SOX5: variants seen among roughly 807,000 people sequenced by gnomAD.
SOX5 encodes the protein SRY-box transcription factor 5.
A neutral mutation model predicts 92.0 loss-of-function variants in SOX5; 9 were observed. That is an observed-to-expected ratio of 0.10 (90% CI 0.06 to 0.17). The LOEUF (loss-of-function observed/expected upper bound fraction) is 0.17. Among genes scored for constraint, SOX5 ranks in the 10% least tolerant of loss-of-function variants. SOX5 has a pLI of 1.00. For synonymous variants in SOX5, 344 were observed against 336.3 expected, an observed-to-expected ratio of 1.02 and a Z score of -0.25; for missense variants, 642 against 944.5, an observed-to-expected ratio of 0.68 and a Z score of 4.20.
At chr12:24,553,143 A>G (rs1256352204) in intron 1 of SOX5, among the ~76,000 whole-genome samples, 1 of 152,216 alleles carries the variant, frequency 6.6e-6, no homozygotes, top group Admixed American at 6.5e-5. Flanking sequence ...ATAGCCAGGT[A>G]TTGTTAGTGC....
At chr12:24,550,952 C>T (rs1427517480) in intron 1 of SOX5, among the ~76,000 whole-genome samples, 1 of 152,206 alleles carries the variant, frequency 6.6e-6, no homozygotes, top group Non-Finnish European at 1.5e-5. Flanking sequence ...TTTACCTTCC[C>T]TCCCCCTGAA....
At chr12:24,308,694 G>A (rs936099694) in intron 2 of SOX5, among the ~76,000 whole-genome samples, 2 of 152,144 alleles carry the variant, frequency 1.3e-5, no homozygotes, top group Non-Finnish European at 2.9e-5. Flanking sequence ...ATGGTCACCT[G>A]CTGAAATTTA....
chr12:23,573,995 G>C lies in SOX5; in HGVS notation c.1342+1666C>G, dbSNP rs1948753679. 2.0e-5 allele frequency among the ~76,000 whole-genome samples: 3 copies of C among 151,300 alleles called. No individual in the cohort carries two copies. In the South Asian group the frequency reaches 6.2e-4, roughly 31 times the overall value. On this transcript the variant is annotated intron_variant, in intron 10 of 14. Transcript: ENST00000451604. ...TTACACAGCAATAAATAATATATTA[G>C]TTATCTATATTATAATATTAATATC...
chr12:23,577,147 AT>A (rs1949249891), intron 9 of SOX5, among the ~76,000 whole-genome samples: 1 of 112,512 alleles, frequency 8.9e-6, no homozygotes, highest in South Asian at 2.7e-4. Context: ...TTATATATAT[AT>A]ATACACACAC....
chr12:23,557,298 A>G (rs1381055064), intron 11 of SOX5, among the ~76,000 whole-genome samples: 3 of 152,224 alleles, frequency 2.0e-5, no homozygotes, highest in Admixed American at 6.5e-5. Flanking sequence ...TTATTTACCA[A>G]ATTTCCATCT....
intron 4 of SOX5, among the ~76,000 whole-genome samples, chr12:24,201,883 G>A (rs1018125400): frequency 6.6e-6 from 1 of 152,178 alleles, no homozygotes. Context: ...GGAACTTAAT[G>A]TACTAGCTCT....
chr12:24,475,471 T>G (rs565211244), intron 1 of SOX5, among the ~76,000 whole-genome samples: 1 of 152,156 alleles, frequency 6.6e-6, no homozygotes, highest in Non-Finnish European at 1.5e-5. Context: ...TGAGCTGAAG[T>G]TGGTAGTGAT....
At chr12:23,861,861 A>C (rs1215626649) in intron 2 of SOX5, among the ~76,000 whole-genome samples, 1 of 152,176 alleles carries the variant, frequency 6.6e-6, no homozygotes, top group African/African-American at 2.4e-5. Context: ...AGCAACATCA[A>C]ACGGGAAAAA....
chr12:24,242,840 C>T (rs1937723149), intron 3 of SOX5, among the ~76,000 whole-genome samples: 1 of 149,782 alleles, frequency 6.7e-6, no homozygotes, highest in African/African-American at 2.4e-5. Context: ...AGATTTTTAG[C>T]CCAGCAATTC....
chr12:23,757,771 G>A (rs1296025301), intron 3 of SOX5, among the ~76,000 whole-genome samples: 2 of 151,916 alleles, frequency 1.3e-5, no homozygotes, highest in East Asian at 1.9e-4. Flanking sequence ...TTACTTTTAA[G>A]GCTATTGTCT....
At chr12:23,937,783 T>C (rs1942901246) in intron 1 of SOX5, among the ~76,000 whole-genome samples, 2 of 150,904 alleles carry the variant, frequency 1.3e-5, no homozygotes, top group Non-Finnish European at 3.0e-5. Flanking sequence ...CTGAGGCCCT[T>C]GTTTGCATTA....
intron 1 of SOX5, among the ~76,000 whole-genome samples, chr12:24,489,615 C>A (rs924480382): frequency 7.2e-6 from 1 of 138,212 alleles, no homozygotes; most frequent in Non-Finnish European, 1.5e-5. Flanking sequence ...TTCCAAATAG[C>A]CAGGAACTTT....
intron 1 of SOX5, among the ~76,000 whole-genome samples, chr12:24,446,269 C>CTG (rs55960801): frequency 0.19 from 29,126 of 151,954 alleles, 2,867 homozygotes; most frequent in Middle Eastern, 0.22. Flanking sequence ...GGTAATATGA[C>CTG]AGGGAGAGAC....
rs149727858 is a variant in SOX5 at position 23,741,113 on chromosome 12, T to C, written c.569-74A>G. 8,967 of 1,134,572 alleles carry C rather than the reference T, an allele frequency of 7.9e-3. 47 individuals are homozygous for C. The highest frequency in any genetic ancestry group is 8.8e-3 in the Non-Finnish European group (7,317 of 828,236). The allele number at this position is 1,134,572 out of a possible 1,614,324, so 70.3% of individuals were successfully genotyped here. A position where few individuals can be genotyped will look rare whatever the true frequency, so the allele number is the denominator to read the frequency against. On this transcript the variant is annotated intron_variant, in intron 4 of 14. Transcript: ENST00000451604. ...ATTATTTCAATGAAAATGGCTCTGT[T>C]GTATACAGAGCCAGTCCAAATATAA... is the stretch of plus-strand genomic sequence containing the variant.
chr12:23,596,747 T>A (rs1952530334), intron 9 of SOX5, among the ~76,000 whole-genome samples: 1 of 152,216 alleles, frequency 6.6e-6, no homozygotes, highest in Non-Finnish European at 1.5e-5. Flanking sequence ...GCTTTCTCAG[T>A]CTCTGACACA....
chr12:24,148,706 AAAAAAAAAAAG>A (rs2138789694), intron 4 of SOX5, among the ~76,000 whole-genome samples: 1 of 116,622 alleles, frequency 8.6e-6, no homozygotes, highest in South Asian at 2.5e-4. Context: ...AAAAAAAAAA[AAAAAAAAAAAG>A]AAGAAAGAAA....
intron 4 of SOX5, among the ~76,000 whole-genome samples, chr12:23,957,486 TA>T (rs1489453316): frequency 3.9e-5 from 6 of 152,170 alleles, no homozygotes; most frequent in African/African-American, 9.7e-5. Flanking sequence ...GTGATTGGCG[TA>T]GGGGGGAATA....
At chr12:24,475,622 C>T (rs977247719) in intron 1 of SOX5, among the ~76,000 whole-genome samples, 2 of 152,168 alleles carry the variant, frequency 1.3e-5, no homozygotes, top group Non-Finnish European at 1.5e-5. Context: ...CTAGACTACA[C>T]TTCATAAAGT....
intron 2 of SOX5, among the ~76,000 whole-genome samples, chr12:24,320,668 A>G (rs1363164563): frequency 4.6e-5 from 7 of 152,176 alleles, no homozygotes; most frequent in Non-Finnish European, 7.4e-5. Context: ...GATCGAGACC[A>G]TCCTGGCTAA....
Sources: allele counts gnomAD v4.1 joint callset (sites outside exome capture counted in the v4.1 genomes callset), GRCh38; gene constraint gnomAD v4.1.1; transcripts MANE v1.5; gene names NCBI Gene and HGNC (gene_info 2026-07-23, HGNC 2026-07-21).